Variants in MSRA observed in about 807,000 individuals in gnomAD.
MSRA encodes the protein mitochondrial peptide methionine sulfoxide reductase.
In MSRA, 54 loss-of-function variants were observed where a neutral mutation model predicts 31.3. That is an observed-to-expected ratio of 1.73 (90% CI 1.39 to 2.17). The LOEUF is 2.17. MSRA is among the 30% of genes most tolerant of loss of function. MSRA has a pLI of 0.00. For synonymous variants in MSRA, 169 were observed against 116.5 expected (o/e 1.45, Z -2.90); for missense variants, 507 against 300.9 (o/e 1.69, Z -5.07).
intron 1 of MSRA, chr8:10,095,693 G>A (rs1014869099): frequency 1.9e-6 from 2 of 1,031,004 alleles, no homozygotes; most frequent in Non-Finnish European, 2.3e-6. Context: ...AAACCGTCCT[G>A]GGGTACAGAA....
chr8:10,383,354 G>A (rs17151877), intron 5 of MSRA, among the ~76,000 whole-genome samples: 4,533 of 152,234 alleles, frequency 0.03, 149 homozygotes, highest in Middle Eastern at 0.095. Flanking sequence ...GGTTCACCTC[G>A]CACAGGGTCA....
At chr8:10,347,788 C>T (rs1226026324) in intron 5 of MSRA, among the ~76,000 whole-genome samples, 3 of 152,210 alleles carry the variant, frequency 2.0e-5, no homozygotes, top group South Asian at 4.1e-4. Context: ...TTTTCAATCC[C>T]GTTACCCTAG....
intron 5 of MSRA, among the ~76,000 whole-genome samples, chr8:10,386,035 G>A (rs1017840430): frequency 7.9e-5 from 12 of 152,180 alleles, no homozygotes; most frequent in Non-Finnish European, 1.5e-4. Context: ...TTCAGGGCAG[G>A]AGGAATGGAT....
chr8:10,133,977 C>G (rs1187836411), intron 1 of MSRA, among the ~76,000 whole-genome samples: 1 of 152,010 alleles, frequency 6.6e-6, no homozygotes, highest in Non-Finnish European at 1.5e-5. Flanking sequence ...ATTACAGGCA[C>G]CTGCCACCAT....
At chr8:10,293,973 G>T (rs1800391343) in intron 3 of MSRA, among the ~76,000 whole-genome samples, 1 of 152,172 alleles carries the variant, frequency 6.6e-6, no homozygotes, top group Non-Finnish European at 1.5e-5. Context: ...AAAGGCCGAG[G>T]TGGGAGGATC....
Position 10,350,562 on chromosome 8 carries a change from C to T in MSRA, c.543+30573C>T, listed in dbSNP as rs372947780. Among the ~76,000 whole-genome samples, 72 of 152,346 alleles carry T rather than the reference C, an allele frequency of 4.7e-4. No individual in the cohort carries two copies. The South Asian group carries it at 0.014, about 30-fold the overall frequency. On this transcript the variant is annotated intron_variant, in intron 5 of 5. Transcript: ENST00000317173. ...GTCCAGGACGACCATCGATGTCTCACCGAATTGGAACTCACTGGTCAGCAG... is the reference window on the plus strand; with the variant it reads ...GTCCAGGACGACCATCGATGTCTCATCGAATTGGAACTCACTGGTCAGCAG...
intron 1 of MSRA, among the ~76,000 whole-genome samples, chr8:10,074,497 T>A (rs1168819024): frequency 2.0e-5 from 3 of 152,184 alleles, no homozygotes; most frequent in African/African-American, 7.2e-5. Context: ...TAAGTTTTTT[T>A]GATCACTGAA....
intron 1 of MSRA, among the ~76,000 whole-genome samples, chr8:10,145,696 C>T (rs1245366381): frequency 6.6e-6 from 1 of 152,200 alleles, no homozygotes; most frequent in Non-Finnish European, 1.5e-5. Flanking sequence ...ATGTGTAAGA[C>T]ATGGTGCCTC....
At chr8:10,183,976 G>T (rs1280388206) in intron 1 of MSRA, among the ~76,000 whole-genome samples, 4 of 58,988 alleles carry the variant, frequency 6.8e-5, no homozygotes, top group African/African-American at 2.8e-4. Flanking sequence ...GGTGTTGACA[G>T]TAGTGTTGCT....
At chr8:10,383,285 C>T (rs140027037) in intron 5 of MSRA, among the ~76,000 whole-genome samples, 341 of 152,326 alleles carry the variant, frequency 2.2e-3, no homozygotes, top group African/African-American at 7.6e-3. Flanking sequence ...TTTGCCAAAG[C>T]ATCTGAATGT....
Position 10,370,091 on chromosome 8 carries a change from A to G in MSRA, c.543+50102A>G, listed in dbSNP as rs1317443064. On this transcript the variant is annotated intron_variant, in intron 5 of 5. Transcript: ENST00000317173. ...GCCATCATTTTTGCTTTCTGGTTTA[A>G]TAATAGCCAACATTTGTCTCGTGTT... is the stretch of plus-strand genomic sequence containing the variant. Among the ~76,000 whole-genome samples, 20 of 152,364 alleles carry G rather than the reference A, an allele frequency of 1.3e-4. No individual in the cohort carries two copies. The East Asian group carries it at 3.9e-3, about 29-fold the overall frequency.
intron 1 of MSRA, among the ~76,000 whole-genome samples, chr8:10,158,223 A>G (rs575521137): frequency 2.0e-5 from 3 of 152,356 alleles, no homozygotes; most frequent in African/African-American, 7.2e-5. Context: ...AAAGATGTCA[A>G]CATCTGGACT....
intron 4 of MSRA, among the ~76,000 whole-genome samples, chr8:10,318,338 C>G (rs1801843600): frequency 6.6e-6 from 1 of 152,118 alleles, no homozygotes. Context: ...TGGCAAAGAC[C>G]TCGCACAGGG....
chr8:10,308,599 G>A (rs1035165950), intron 4 of MSRA, among the ~76,000 whole-genome samples: 10 of 152,220 alleles, frequency 6.6e-5, no homozygotes, highest in Non-Finnish European at 1.5e-4. Context: ...TCTTTACAGT[G>A]GCCAGTGTGG....
chr8:10,301,476 A>C, intron 3 of MSRA, 58 bp from the exon 4 acceptor site: 2 of 1,346,702 alleles, frequency 1.5e-6, no homozygotes, highest in Non-Finnish European at 2.1e-6. Context: ...TGAACAAAAA[A>C]CTTGCAATAA....
chr8:10,389,790 C>CTTTTT (rs55769720), intron 5 of MSRA, among the ~76,000 whole-genome samples: 7 of 123,396 alleles, frequency 5.7e-5, no homozygotes, highest in East Asian at 5.2e-4. Flanking sequence ...GAAACTTACT[C>CTTTTT]TTTTTTTTTT....
At chr8:10,308,769 C>G (rs758323115) in intron 4 of MSRA, among the ~76,000 whole-genome samples, 1 of 152,244 alleles carries the variant, frequency 6.6e-6, no homozygotes, top group Non-Finnish European at 1.5e-5. Context: ...GCACACTGTT[C>G]CTACTGCTTA....
intron 5 of MSRA, among the ~76,000 whole-genome samples, chr8:10,400,685 TAGAC>T (rs920958111): frequency 1.5e-4 from 23 of 152,050 alleles, no homozygotes; most frequent in Non-Finnish European, 7.4e-5. Context: ...TGGGTAGTGT[TAGAC>T]AGGAAGGCTG....
chr8:10,108,408 C>G (rs1800041425), intron 1 of MSRA, among the ~76,000 whole-genome samples: 1 of 152,190 alleles, frequency 6.6e-6, no homozygotes, highest in South Asian at 2.1e-4. Context: ...TGACTTGCAC[C>G]TAGAAGGAGG....
Sources: allele counts gnomAD v4.1 joint callset (sites outside exome capture counted in the v4.1 genomes callset), GRCh38; gene constraint gnomAD v4.1.1; transcripts MANE v1.5; gene names NCBI Gene and HGNC (gene_info 2026-07-23, HGNC 2026-07-21).